The following AGBL4 variants were observed in gnomAD, a reference collection of about 807,000 sequenced individuals.
AGBL4 encodes AGBL carboxypeptidase 4, also known as cytosolic carboxypeptidase 6.
Under a neutral mutation model 66.4 loss-of-function variants are expected in AGBL4, and 58 were observed. That is an observed-to-expected ratio of 0.87 (90% CI 0.71 to 1.09). The LOEUF is 1.09. Ranked by LOEUF, AGBL4 falls within the 50% of genes least tolerant of loss-of-function variation. The pLI, the probability that AGBL4 is intolerant of heterozygous loss-of-function variation, is 0.00. For missense variants in AGBL4, 579 were observed against 631.0 expected (o/e 0.92, Z 0.88); for synonymous variants, 234 against 222.9 (o/e 1.05, Z -0.44).
At chr1:49,441,285 G>C (rs1037716088) in intron 3 of AGBL4, among the ~76,000 whole-genome samples, 3 of 152,178 alleles carry the variant, frequency 2.0e-5, no homozygotes, top group African/African-American at 7.2e-5. Flanking sequence ...TGGGATAATG[G>C]TGGAAGGAAC....
intron 3 of AGBL4, among the ~76,000 whole-genome samples, chr1:49,308,434 G>C (rs1009271056): frequency 1.3e-5 from 2 of 151,954 alleles, no homozygotes; most frequent in African/African-American, 4.8e-5. Context: ...CTGGGAAGAG[G>C]CAAAATGCAA....
chr1:48,745,627 A>G (rs987340294), intron 6 of AGBL4, among the ~76,000 whole-genome samples: 3 of 152,090 alleles, frequency 2.0e-5, no homozygotes, highest in Non-Finnish European at 4.4e-5. Context: ...ACCCCTAGAG[A>G]TGTCCACCTA....
chr1:48,806,977 T>C (rs888999957), intron 6 of AGBL4, among the ~76,000 whole-genome samples: 12 of 152,162 alleles, frequency 7.9e-5, no homozygotes, highest in African/African-American at 2.9e-4. Flanking sequence ...TCTATGCTTG[T>C]GAATGAGCAT....
At chr1:49,474,954 C>T (rs1158060706) in intron 3 of AGBL4, among the ~76,000 whole-genome samples, 2 of 152,016 alleles carry the variant, frequency 1.3e-5, no homozygotes, top group Non-Finnish European at 2.9e-5. Context: ...ATTGTTCCAG[C>T]TAAAACTTCC....
At chr1:49,971,861 T>G (rs1658114760) in intron 1 of AGBL4, among the ~76,000 whole-genome samples, 1 of 149,342 alleles carries the variant, frequency 6.7e-6, no homozygotes, top group Admixed American at 6.7e-5. Context: ...TTTTGAAAAT[T>G]TTATTTATTT....
chr1:49,959,162 G>A (rs969348169), intron 1 of AGBL4, among the ~76,000 whole-genome samples: 5 of 152,082 alleles, frequency 3.3e-5, no homozygotes, highest in African/African-American at 1.2e-4. Context: ...AAATCAGATA[G>A]TATTTGTGGA....
At chr1:49,740,258 T>G (rs902352412) in intron 2 of AGBL4, among the ~76,000 whole-genome samples, 1 of 151,970 alleles carries the variant, frequency 6.6e-6, no homozygotes, top group Non-Finnish European at 1.5e-5. Flanking sequence ...TCCTAGTCTC[T>G]GATAAAACAG....
intron 4 of AGBL4, among the ~76,000 whole-genome samples, chr1:49,098,270 T>C (rs1645142355): frequency 6.6e-6 from 1 of 152,230 alleles, no homozygotes; most frequent in Non-Finnish European, 1.5e-5. Context: ...GGAGTACATG[T>C]GTTGTATCTG....
chr1:48,550,073 G>A (rs1325157788), intron 11 of AGBL4, among the ~76,000 whole-genome samples: 1 of 152,166 alleles, frequency 6.6e-6, no homozygotes, highest in East Asian at 1.9e-4. Context: ...ACTTCACGGA[G>A]GATGCTGGAG....
Position 49,355,941 on chromosome 1 carries a change from C to G in AGBL4, c.283-110077G>C, listed in dbSNP as rs570815722. ...TGCCCAGAAAGTTCAACCGGAGAGA[C>G]AATCGTAGTGTGCACTCCCTCCTCA... On this transcript the variant is annotated intron_variant, in intron 3 of 13. Transcript: ENST00000371839. Among the ~76,000 whole-genome samples, 173 of 152,238 alleles carry G rather than the reference C, an allele frequency of 1.1e-3. 1 individual carries two copies. Among genetic ancestry groups the G allele is most frequent in the African/African-American group, 4.1e-3 (170 of 41,536 alleles).
intron 3 of AGBL4, among the ~76,000 whole-genome samples, chr1:49,572,978 A>G (rs1644361255): frequency 1.3e-5 from 2 of 152,142 alleles, no homozygotes; most frequent in South Asian, 4.1e-4. Context: ...CCCATGCTGG[A>G]GGCTTCTTGC....
At chr1:49,382,921 C>T (rs1457293971) in intron 3 of AGBL4, among the ~76,000 whole-genome samples, 1 of 152,132 alleles carries the variant, frequency 6.6e-6, no homozygotes, top group Non-Finnish European at 1.5e-5. Flanking sequence ...GGAAAGATCA[C>T]CTTAGCCCAT....
intron 6 of AGBL4, among the ~76,000 whole-genome samples, chr1:48,703,961 C>T (rs972574108): frequency 2.0e-5 from 3 of 152,146 alleles, no homozygotes; most frequent in African/African-American, 4.8e-5. Context: ...CATGGTTGTA[C>T]GAACAGCACA....
rs1458975901 is a variant in AGBL4 at position 48,532,896 on chromosome 1, C to T, written c.*1277G>A. ...TTGTGTTCCTCTGGGCAAAACGAAC[C>T]CAGGGGAGAAGCTGTATATACAACA... On this transcript the variant is annotated 3_prime_UTR_variant, in exon 14 of 14. Transcript: ENST00000371839. 1 of 152,128 alleles carries T rather than the reference C, an allele frequency of 6.6e-6. No individual in the cohort carries two copies. Among genetic ancestry groups the T allele is most frequent in the Admixed American group, 6.6e-5 (1 of 15,266 alleles). 9.4% of individuals were successfully genotyped at this position (152,128 alleles called of 1,614,324 possible). A position where few individuals can be genotyped will look rare whatever the true frequency, so the allele number is the denominator to read the frequency against.
At chr1:49,024,706 G>T (rs1663509867) in intron 5 of AGBL4, among the ~76,000 whole-genome samples, 1 of 152,150 alleles carries the variant, frequency 6.6e-6, no homozygotes, top group South Asian at 2.1e-4. Context: ...ATGACAAATT[G>T]TATGCCTTCG....
At chr1:49,366,817 GT>G (rs1379767154) in intron 3 of AGBL4, among the ~76,000 whole-genome samples, 1 of 152,118 alleles carries the variant, frequency 6.6e-6, no homozygotes, top group African/African-American at 2.4e-5. Context: ...TCTTGCCAAA[GT>G]TTTCTAGACT....
intron 3 of AGBL4, among the ~76,000 whole-genome samples, chr1:49,450,657 G>A (rs995192805): frequency 1.3e-5 from 2 of 152,012 alleles, no homozygotes; most frequent in African/African-American, 4.8e-5. Flanking sequence ...AGTTTTCAAA[G>A]GAATAGTCTA....
intron 1 of AGBL4, among the ~76,000 whole-genome samples, chr1:49,960,445 A>T (rs1224963505): frequency 2.6e-5 from 4 of 152,026 alleles, no homozygotes; most frequent in Admixed American, 2.0e-4. Context: ...GATGGGAGAG[A>T]TTTCATAAAA....
At chr1:49,030,889 T>G (rs1174265172) in intron 5 of AGBL4, among the ~76,000 whole-genome samples, 1 of 151,006 alleles carries the variant, frequency 6.6e-6, no homozygotes, top group African/African-American at 2.4e-5. Flanking sequence ...ATTTAAAAAT[T>G]TTATGCTATA....
Sources: allele counts gnomAD v4.1 joint callset (sites outside exome capture counted in the v4.1 genomes callset), GRCh38; gene constraint gnomAD v4.1.1; transcripts MANE v1.5; gene names NCBI Gene and HGNC (gene_info 2026-07-23, HGNC 2026-07-21).